CCDC6: variants seen among roughly 807,000 people sequenced by gnomAD.
The protein encoded by CCDC6 is coiled-coil domain-containing protein 6.
A neutral mutation model predicts 56.6 loss-of-function variants in CCDC6; 20 were observed. The ratio of observed to expected loss-of-function variants is 0.35; its 90% CI spans 0.25 to 0.51. The LOEUF is 0.51. Among genes scored for constraint, CCDC6 ranks in the 20% least tolerant of loss-of-function variants. CCDC6 has a pLI of 0.95. For missense variants in CCDC6, 367 were observed against 601.1 expected, an observed-to-expected ratio of 0.61 and a Z score of 4.07; for synonymous variants, 241 against 234.4, an observed-to-expected ratio of 1.03 and a Z score of -0.26.
rs1277105529 is a variant in CCDC6 at position 59,896,848 on chromosome 10, T to C, written c.303+9274A>G. On this transcript the variant is annotated intron_variant, in intron 1 of 8. Coordinates refer to ENST00000263102, the MANE Select transcript of CCDC6 (RefSeq NM_005436.5). ...GAATTATATGTTGTGTATGTTTTTATCACAAAAAAAAATGCAAAAAAAGTC... is the reference window on the plus strand; with the variant it reads ...GAATTATATGTTGTGTATGTTTTTACCACAAAAAAAAATGCAAAAAAAGTC... 2.6e-5 allele frequency among the ~76,000 whole-genome samples: 4 copies of C among 152,040 alleles called. No homozygotes were observed. In the South Asian group the frequency reaches 8.3e-4, roughly 31 times the overall value.
intron 3 of CCDC6, among the ~76,000 whole-genome samples, chr10:59,823,808 A>C (rs2070765709): frequency 6.6e-6 from 1 of 152,208 alleles, no homozygotes; most frequent in Non-Finnish European, 1.5e-5. Flanking sequence ...AGAACACCTA[A>C]GTCATCAAGC....
At chr10:59,805,338 C>T (rs191358659) in intron 6 of CCDC6, 1 of 152,220 alleles carries the variant, frequency 6.6e-6, no homozygotes, top group East Asian at 1.9e-4. Context: ...TCTTAAGTGC[C>T]GGACAATTTT....
chr10:59,882,632 G>T (rs1589060754), intron 1 of CCDC6, among the ~76,000 whole-genome samples: 1 of 152,128 alleles, frequency 6.6e-6, no homozygotes, highest in African/African-American at 2.4e-5. Flanking sequence ...GGAAAGCCAG[G>T]GAGAAGTGGT....
chr10:59,901,217 A>G (rs1027890808), intron 1 of CCDC6, among the ~76,000 whole-genome samples: 2 of 152,154 alleles, frequency 1.3e-5, no homozygotes, highest in African/African-American at 4.8e-5. Context: ...GTGAGGTCAT[A>G]TTTTCCTCAA....
chr10:59,866,619 T>A (rs1339362272), intron 1 of CCDC6, among the ~76,000 whole-genome samples: 1 of 152,118 alleles, frequency 6.6e-6, no homozygotes, highest in Non-Finnish European at 1.5e-5. Flanking sequence ...CATTTCGGCC[T>A]CACGTCGTAT....
intron 1 of CCDC6, among the ~76,000 whole-genome samples, chr10:59,898,070 C>G (rs1043141791): frequency 1.3e-5 from 2 of 152,162 alleles, no homozygotes; most frequent in African/African-American, 4.8e-5. Flanking sequence ...TTCAAAATTT[C>G]CTATAAAATA....
chr10:59,895,163 G>GT (rs2071452580), intron 1 of CCDC6, among the ~76,000 whole-genome samples: 1 of 152,118 alleles, frequency 6.6e-6, no homozygotes, highest in East Asian at 1.9e-4. Context: ...TGACCCAGGA[G>GT]TGGTGGCACA....
intron 1 of CCDC6, among the ~76,000 whole-genome samples, chr10:59,860,490 G>C (rs923282132): frequency 1.3e-5 from 2 of 152,016 alleles, no homozygotes; most frequent in African/African-American, 2.4e-5. Flanking sequence ...CTGAAGAAGG[G>C]GCCAGGGCTA....
Position 59,876,054 on chromosome 10 carries a change from C to T in CCDC6, c.304-23352G>A, listed in dbSNP as rs1589058197. 3.9e-5 allele frequency among the ~76,000 whole-genome samples: 5 copies of T among 128,754 alleles called. No individual in the cohort carries two copies. In the Admixed American group the frequency reaches 4.5e-4, roughly 12 times the overall value. 84.5% of individuals were successfully genotyped at this position (128,754 alleles called of 152,430 possible). A position where few individuals can be genotyped will look rare whatever the true frequency, so the allele number is the denominator to read the frequency against. ...TGGCCAACAAGCCTACACACATACA[C>T]GAGTGCATGCACAGATGTCTTTTTT... On this transcript the variant is annotated intron_variant, in intron 1 of 8. Transcript: ENST00000263102.
At chr10:59,899,913 T>C (rs938423257) in intron 1 of CCDC6, among the ~76,000 whole-genome samples, 3 of 148,552 alleles carry the variant, frequency 2.0e-5, no homozygotes, top group African/African-American at 7.3e-5. Context: ...ATACAATGCA[T>C]CCATTCACAT....
intron 3 of CCDC6, 30 bp from the exon 4 acceptor site, chr10:59,814,785 T>G: frequency 1.4e-6 from 2 of 1,383,220 alleles, no homozygotes; most frequent in Non-Finnish European, 2.1e-6. Flanking sequence ...GTTACCAAAG[T>G]GTCAGGCCAC....
rs1564756089 is a variant in CCDC6, at chr10:59,882,473, CA to C, written c.303+23648del. ...GCCGGCGGGAGAAGGAAAGGAAAGC[CA>C]GGGGGAGAAGGAAAGGAAAGCCGGG... On this transcript the variant is annotated intron_variant, in intron 1 of 8. Transcript: ENST00000263102. Among the ~76,000 whole-genome samples the C allele has an allele frequency of 3.0e-3, 22 of 7,272 alleles. 4 individuals are homozygous for C. Among genetic ancestry groups the C allele is most frequent in the African/African-American group, 0.012 (13 of 1,056 alleles). 4.8% of individuals were successfully genotyped at this position (7,272 alleles called of 152,430 possible).
rs978111054 is a variant in CCDC6 at position 59,887,013 on chromosome 10, T to C, written c.303+19109A>G. Among the ~76,000 whole-genome samples the C allele has an allele frequency of 4.8e-4, 73 of 152,232 alleles. 1 individual carries two copies. The highest frequency in any genetic ancestry group is 1.7e-3 in the African/African-American group (71 of 41,464). On this transcript the variant is annotated intron_variant, in intron 1 of 8. Transcript: ENST00000263102. ...GTAGTATGGGGCCACATATCTCTCA[T>C]ATCCTACTAATGGAAGTGTAAATTG...
intron 2 of CCDC6, 37 bp downstream of exon 2, chr10:59,852,516 A>T: frequency 1.3e-6 from 2 of 1,518,222 alleles, no homozygotes; most frequent in Non-Finnish European, 1.8e-6. Flanking sequence ...AAAGGAAAAT[A>T]GGCAGGGAAG....
At chr10:59,808,117 C>T (rs971089255) in intron 5 of CCDC6, among the ~76,000 whole-genome samples, 2 of 152,088 alleles carry the variant, frequency 1.3e-5, no homozygotes, top group African/African-American at 4.8e-5. Context: ...ATGACAAATA[C>T]CCCTTCCTCA....
intron 1 of CCDC6, among the ~76,000 whole-genome samples, chr10:59,863,745 G>A (rs2071154573): frequency 6.6e-6 from 1 of 152,064 alleles, no homozygotes; most frequent in South Asian, 2.1e-4. Context: ...TCATATATCA[G>A]AAATATCAAT....
rs1342844879 is a variant in CCDC6 at position 59,906,209 on chromosome 10, C to T, written c.216G>A (p.Val72=). Residue 72 remains valine (V), a synonymous_variant, in exon 1 of 9, where the codon GTG becomes GTA. Transcript: ENST00000263102. ...TGTAGGTCTCCAGCTCTATCTTCAGCACCTTGTTCTCTTGCTGCAGCGAGG... is the reference window on the plus strand; with the variant it reads ...TGTAGGTCTCCAGCTCTATCTTCAGTACCTTGTTCTCTTGCTGCAGCGAGG... ...RLASLQQENK[V]LKIELETYKL... is the part of the protein sequence containing the mutation. 5 of 1,613,554 alleles carry T rather than the reference C, an allele frequency of 3.1e-6. No individual in the cohort carries two copies. The highest frequency in any genetic ancestry group is 4.2e-6 in the Non-Finnish European group (5 of 1,179,826).
At chr10:59,901,334 C>T (rs138996528) in intron 1 of CCDC6, among the ~76,000 whole-genome samples, 24 of 152,098 alleles carry the variant, frequency 1.6e-4, no homozygotes, top group African/African-American at 5.3e-4. Context: ...AAGGCAATAT[C>T]GATTTGTAGC....
chr10:59,838,252 GTGTGTGCCA>G (rs953630590), intron 2 of CCDC6, among the ~76,000 whole-genome samples: 1 of 140,420 alleles, frequency 7.1e-6, no homozygotes, highest in African/African-American at 2.6e-5. Flanking sequence ...ACTCTCCTTT[GTGTGTGCCA>G]TGTGCTCATG....
Sources: allele counts gnomAD v4.1 joint callset (sites outside exome capture counted in the v4.1 genomes callset), GRCh38; gene constraint gnomAD v4.1.1; transcripts MANE v1.5; gene names NCBI Gene and HGNC (gene_info 2026-07-23, HGNC 2026-07-21).